The following RDX variants were observed in gnomAD, a reference collection of about 807,000 sequenced individuals.
RDX encodes the protein radixin, also known as deafness, autosomal recessive 24.
Under a neutral mutation model 83.7 loss-of-function variants are expected in RDX, and 32 were observed. That is an observed-to-expected ratio of 0.38 (90% CI 0.29 to 0.51). The LOEUF (loss-of-function observed/expected upper bound fraction) is 0.51, where lower values mean the gene tolerates loss of function less well. RDX is among the 20% of genes least tolerant of loss of function. The pLI is 0.87. For synonymous variants in RDX, 229 were observed against 222.7 expected (o/e 1.03, Z -0.25); for missense variants, 600 against 689.9 (o/e 0.87, Z 1.46).
chr11:110,186,551 T>A (rs2134222250), intron 15 of RDX, among the ~76,000 whole-genome samples: 1 of 151,860 alleles, frequency 6.6e-6, no homozygotes, highest in African/African-American at 2.4e-5. Flanking sequence ...TGGGAATCCA[T>A]CAGCATAACA....
At chr11:110,274,429 C>T (rs1401214173) in intron 2 of RDX, among the ~76,000 whole-genome samples, 4 of 152,098 alleles carry the variant, frequency 2.6e-5, no homozygotes, top group African/African-American at 4.8e-5. Context: ...TATAACTGCA[C>T]GATATTTGTT....
intron 10 of RDX, among the ~76,000 whole-genome samples, chr11:110,241,048 T>G (rs1207165466): frequency 1.0e-5 from 1 of 96,394 alleles, no homozygotes; most frequent in East Asian, 3.8e-4. Flanking sequence ...AGAGTGAGAC[T>G]CTGTCTCCAA....
At chr11:110,250,698 T>C (rs2134347070) in intron 9 of RDX, among the ~76,000 whole-genome samples, 1 of 149,212 alleles carries the variant, frequency 6.7e-6, no homozygotes, top group East Asian at 2.0e-4. Context: ...TGGGAGGGGG[T>C]GGGGAATGGT....
Position 110,237,628 on chromosome 11 carries a change from G to C in RDX, c.1115C>G (p.Ala372Gly). Reference sequence around the variant, plus strand: ...TTTTCGTTCTTGATCCAGTTCTAGAGCTTTTCGAGTCTGTTCTTCTAGTTC... The same window carrying C: ...TTTTCGTTCTTGATCCAGTTCTAGACCTTTTCGAGTCTGTTCTTCTAGTTC... ...QKELEEQTRK[A>G]LELDQERKRA... Residue 372 changes from alanine (A) to glycine (G), a missense_variant, in exon 11 of 14, where the codon GCT (alanine) becomes GGT (glycine). Transcript: ENST00000645495. The C allele has an allele frequency of 6.2e-7, 1 of 1,614,084 alleles. No individual in the cohort carries two copies. The highest frequency in any genetic ancestry group is 1.7e-5 in the Admixed American group (1 of 60,008).
intron 1 of RDX, among the ~76,000 whole-genome samples, chr11:110,282,973 T>A (rs963071036): frequency 7.9e-5 from 12 of 151,912 alleles, no homozygotes; most frequent in Admixed American, 4.6e-4. Context: ...CAAGATTCTG[T>A]CTAAAATGTA....
Position 110,264,287 on chromosome 11 carries a change from T to C in RDX, c.193-53A>G. 4 of 1,246,358 alleles carry C rather than the reference T, an allele frequency of 3.2e-6. No individual in the cohort carries two copies. The South Asian group carries it at 5.6e-5, about 17-fold the overall frequency. 77.2% of individuals were successfully genotyped at this position (1,246,358 alleles called of 1,614,324 possible). ...ACAAAAATCTTAAGTTTACAATAAT[T>C]AGACCTAGTCACATCAAATTCTTTT... On this transcript the variant is annotated intron_variant, in intron 4 of 13. Coordinates refer to ENST00000645495, the MANE Select transcript of RDX (RefSeq NM_002906.4).
At chr11:110,295,698 G>C (rs893284529) in intron 1 of RDX, among the ~76,000 whole-genome samples, 1 of 150,598 alleles carries the variant, frequency 6.6e-6, no homozygotes, top group Non-Finnish European at 1.5e-5. Context: ...TCCGGGAATT[G>C]AGTTTAGAAT....
At chr11:110,250,661 A>C (rs1400572150) in intron 9 of RDX, among the ~76,000 whole-genome samples, 1 of 152,032 alleles carries the variant, frequency 6.6e-6, no homozygotes, top group Non-Finnish European at 1.5e-5. Flanking sequence ...GAAAAAAAGA[A>C]TCAAGATAAT....
intron 15 of RDX, among the ~76,000 whole-genome samples, chr11:110,178,191 G>A (rs549405666): frequency 1.3e-5 from 2 of 152,250 alleles, no homozygotes; most frequent in Admixed American, 6.5e-5. Flanking sequence ...ACAGCTCCAC[G>A]TAAATGTCAC....
Position 110,255,273 on chromosome 11 carries a change from TA to T in RDX, c.795+15del. The T allele has an allele frequency of 7.6e-7, 1 of 1,309,890 alleles. No homozygotes were observed. Among genetic ancestry groups the T allele is most frequent in the Non-Finnish European group, 1.1e-6 (1 of 906,054 alleles). The allele number at this position is 1,309,890 out of a possible 1,614,324, so 81.1% of individuals were successfully genotyped here. ...ATTAAACAGTTAATACACAAAATATTAAAGAAATTACTTACAGGTGCCTTTT... is the reference window on the plus strand; with the variant it reads ...ATTAAACAGTTAATACACAAAATATTAAGAAATTACTTACAGGTGCCTTTT... On this transcript the variant is annotated intron_variant, in intron 8 of 13. Transcript: ENST00000645495.
chr11:110,296,073 C>T (rs988792067), intron 1 of RDX, among the ~76,000 whole-genome samples: 2 of 152,262 alleles, frequency 1.3e-5, no homozygotes, highest in Middle Eastern at 3.2e-3. Context: ...CCATGCCAGC[C>T]CGGGCCCGGG....
chr11:110,284,068 A>G (rs1276169729), intron 1 of RDX, among the ~76,000 whole-genome samples: 1 of 152,228 alleles, frequency 6.6e-6, no homozygotes, highest in African/African-American at 2.4e-5. Flanking sequence ...ATACTCATTA[A>G]ACTAGCAAAA....
Position 110,192,334 on chromosome 11 carries a change from A to G in RDX, c.*31+7247T>C, listed in dbSNP as rs189158060. On this transcript the variant is annotated intron_variant, in intron 15 of 15. Transcript: ENST00000528498. ...GGTGTTGGGATAACTGGCTATGCATATGCAAAAGAATGAAACTAGACCACT... is the reference window on the plus strand; with the variant it reads ...GGTGTTGGGATAACTGGCTATGCATGTGCAAAAGAATGAAACTAGACCACT... Among the ~76,000 whole-genome samples the G allele has an allele frequency of 2.6e-5, 4 of 152,348 alleles. No homozygotes were observed. The East Asian group carries it at 7.7e-4, about 29-fold the overall frequency.
chr11:110,252,401 T>C (rs949265827), intron 9 of RDX, among the ~76,000 whole-genome samples: 6 of 152,170 alleles, frequency 3.9e-5, no homozygotes, highest in African/African-American at 1.4e-4. Context: ...TATAGATAAA[T>C]ATAGTAAGTT....
At chr11:110,272,314 C>T (rs1032974013) in intron 3 of RDX, among the ~76,000 whole-genome samples, 7 of 152,152 alleles carry the variant, frequency 4.6e-5, no homozygotes, top group South Asian at 2.1e-4. Context: ...TAAATACCTG[C>T]TGAAAATTAT....
At chr11:110,201,285 T>A (rs1863392497) in intron 14 of RDX, among the ~76,000 whole-genome samples, 10 of 152,112 alleles carry the variant, frequency 6.6e-5, no homozygotes, top group Admixed American at 6.5e-4. Flanking sequence ...TAGTACTATT[T>A]ATGTAGATTT....
At chr11:110,237,279 T>C (rs1864894316) in intron 11 of RDX, among the ~76,000 whole-genome samples, 1 of 152,054 alleles carries the variant, frequency 6.6e-6, no homozygotes, top group Admixed American at 6.5e-5. Flanking sequence ...AAATAATCTA[T>C]AGAAAAATGC....
chr11:110,279,896 A>G (rs141815519), intron 1 of RDX, 140 bp from the exon 2 acceptor site: 90 of 519,714 alleles, frequency 1.7e-4, no homozygotes, highest in African/African-American at 1.1e-3. Flanking sequence ...CTCATTTTCA[A>G]TATCTTCTAC....
chr11:110,231,792 CCAT>C lies in RDX; in HGVS notation c.*74_*76del. 3.3e-6 allele frequency: 5 copies of C among 1,526,562 alleles called. No individual in the cohort carries two copies. The highest frequency in any genetic ancestry group is 4.5e-6 in the Non-Finnish European group (5 of 1,107,304). The allele number at this position is 1,526,562 out of a possible 1,614,324, so 94.6% of individuals were successfully genotyped here. On this transcript the variant is annotated 3_prime_UTR_variant, in exon 14 of 14. Transcript: ENST00000645495. ...GTGCTTTGGCAAGGTGGGATGCATT[CCAT>C]CATATCTGCAAAGGCCTGCTTTTCT...
Sources: allele counts gnomAD v4.1 joint callset (sites outside exome capture counted in the v4.1 genomes callset), GRCh38; gene constraint gnomAD v4.1.1; transcripts MANE v1.5; gene names NCBI Gene and HGNC (gene_info 2026-07-23, HGNC 2026-07-21).